The following CDH3 variants were observed in gnomAD, a reference collection of about 807,000 sequenced individuals.
CDH3 encodes cadherin-3.
Under a neutral mutation model 82.0 loss-of-function variants are expected in CDH3, and 54 were observed. The ratio of observed to expected loss-of-function variants is 0.66; its 90% CI spans 0.53 to 0.83. The LOEUF (loss-of-function observed/expected upper bound fraction) is 0.83, where lower values mean the gene tolerates loss of function less well. CDH3 is among the 40% of genes least tolerant of loss of function. CDH3 has a pLI of 0.00. For missense variants in CDH3, 1,054 were observed against 1,084.6 expected, an observed-to-expected ratio of 0.97 and a Z score of 0.40; for synonymous variants, 446 against 437.9, an observed-to-expected ratio of 1.02 and a Z score of -0.23.
intron 2 of CDH3, among the ~76,000 whole-genome samples, chr16:68,668,209 C>T (rs1224313079): frequency 6.6e-6 from 1 of 152,202 alleles, no homozygotes; most frequent in Non-Finnish European, 1.5e-5. Flanking sequence ...GCCTTAAATT[C>T]TGAACTATTG....
At chr16:68,716,901 T>C (rs973873900) in intron 1 of CDH3, among the ~76,000 whole-genome samples, 25 of 151,102 alleles carry the variant, frequency 1.7e-4, no homozygotes, top group Non-Finnish European at 2.1e-4. Flanking sequence ...TTTTCTTTTT[T>C]TTTTTTTTTT....
At chr16:68,717,064 G>C (rs1962103736) in intron 1 of CDH3, among the ~76,000 whole-genome samples, 1 of 152,012 alleles carries the variant, frequency 6.6e-6, no homozygotes, top group South Asian at 2.1e-4. Context: ...TTTGTCTGAA[G>C]AGACAAAGGT....
downstream of CDH3, among the ~76,000 whole-genome samples, chr16:68,701,456 G>C (rs146484781): frequency 2.0e-5 from 3 of 152,262 alleles, no homozygotes; most frequent in African/African-American, 4.8e-5. Flanking sequence ...TGCTGGCCAT[G>C]ATGAGGACCA....
chr16:68,665,848 C>T (rs1960719828), intron 2 of CDH3, among the ~76,000 whole-genome samples: 1 of 152,084 alleles, frequency 6.6e-6, no homozygotes. Context: ...GCCAAAACTC[C>T]CCTGGAACTG....
chr16:68,698,486 C>T lies in CDH3; in HGVS notation c.*86C>T, dbSNP rs552051260. 74 of 1,262,462 alleles carry T rather than the reference C, an allele frequency of 5.9e-5. No homozygotes were observed. In the Middle Eastern group the frequency reaches 7.9e-4, roughly 13 times the overall value. The allele number at this position is 1,262,462 out of a possible 1,614,324, so 78.2% of individuals were successfully genotyped here. A position where few individuals can be genotyped will look rare whatever the true frequency, so the allele number is the denominator to read the frequency against. Reference sequence around the variant, plus strand: ...CAGTTCCCCCTTCAGCTGAGGACTTCGGAGCTTGTCAGGAAGTGGCCGTAG... The same window carrying T: ...CAGTTCCCCCTTCAGCTGAGGACTTTGGAGCTTGTCAGGAAGTGGCCGTAG... On this transcript the variant is annotated 3_prime_UTR_variant, in exon 16 of 16. Coordinates refer to ENST00000264012, the MANE Select transcript of CDH3 (RefSeq NM_001793.6).
At chr16:68,666,135 G>A (rs1005237578) in intron 2 of CDH3, among the ~76,000 whole-genome samples, 1 of 151,742 alleles carries the variant, frequency 6.6e-6, no homozygotes, top group Non-Finnish European at 1.5e-5. Flanking sequence ...CACTCTCCAG[G>A]CTTGCCTCCC....
intron 13 of CDH3, among the ~76,000 whole-genome samples, chr16:68,692,490 AG>A (rs1205389588): frequency 6.6e-6 from 1 of 152,186 alleles, no homozygotes; most frequent in African/African-American, 2.4e-5. Context: ...TGGTTCTGAA[AG>A]GGTGGTTTCC....
In CDH3 at chr16:68,695,236, C is replaced by T. The variant is rs952810071; in HGVS notation, c.2003-19C>T. ...TGTGTGGTTACAGAGGGAGCACTCA[C>T]ACTCCCCAACCCTTGCAGTCCTCCT... is the stretch of plus-strand genomic sequence containing the variant. On this transcript the variant is annotated intron_variant, in intron 13 of 15. Transcript: ENST00000264012. 6.2e-7 allele frequency: 1 copy of T among 1,614,050 alleles called. No individual in the cohort carries two copies. The highest frequency in any genetic ancestry group is 8.5e-7 in the Non-Finnish European group (1 of 1,179,956).
chr16:68,715,605 C>T (rs1962085976), intron 1 of CDH3, among the ~76,000 whole-genome samples: 1 of 152,130 alleles, frequency 6.6e-6, no homozygotes, highest in Admixed American at 6.6e-5. Flanking sequence ...ATAGCAAGGC[C>T]AAGGTCTGTA....
chr16:68,671,168 T>C (rs1378309328), intron 2 of CDH3, among the ~76,000 whole-genome samples: 5 of 151,904 alleles, frequency 3.3e-5, no homozygotes, highest in African/African-American at 1.2e-4. Context: ...TTTTTTTTTT[T>C]TTTTAAGAGA....
chr16:68,684,623 T>A lies in CDH3; in HGVS notation c.1223T>A (p.Val408Asp). The A allele has an allele frequency of 1.2e-6, 2 of 1,614,174 alleles. No homozygotes were observed. Among genetic ancestry groups the A allele is most frequent in the Non-Finnish European group, 8.5e-7 (1 of 1,180,018 alleles). ...GCCAAAAACCAGCACACCCTGTACG[T>A]TGAAGTGACCAACGAGGCCCCTTTT... ...FEAKNQHTLY[V>D]EVTNEAPFVL... The change falls in exon 10 of 16, where the codon GTT (valine) becomes GAT (aspartate). Residue 408 changes from valine (V) to aspartate (D), a missense_variant. Val to Asp is a radical substitution (Grantham distance 152). Transcript: ENST00000264012.
chr16:68,703,494 C>T (rs189829090), downstream of CDH3, among the ~76,000 whole-genome samples: 838 of 152,332 alleles, frequency 5.5e-3, 6 homozygotes, highest in Admixed American at 9.4e-3. Flanking sequence ...TGCTGGAGAG[C>T]TCCAGGGAAC....
At chr16:68,659,861 A>G (rs1960513082) in intron 2 of CDH3, among the ~76,000 whole-genome samples, 1 of 151,838 alleles carries the variant, frequency 6.6e-6, no homozygotes, top group Non-Finnish European at 1.5e-5. Context: ...TTTAAAAACA[A>G]GAATTGGACT....
At position 68,687,494 on chromosome 16, in the gene CDH3, A is replaced by G. The variant is rs368900553; in HGVS notation, c.1571-18A>G. The G allele has an allele frequency of 6.2e-6, 10 of 1,606,034 alleles. No homozygotes were observed. In the African/African-American group the frequency reaches 9.4e-5, roughly 15 times the overall value. On this transcript the variant is annotated intron_variant, in intron 11 of 15. Transcript: ENST00000264012. The stretch of plus-strand genomic sequence containing the variant: ...GGGTGGGTCACAGGGAGCTCATCAT[A>G]TGTGTCATTACAAACAGGAAGCCCT...
intron 12 of CDH3, among the ~76,000 whole-genome samples, chr16:68,689,493 G>A (rs376648409): frequency 1.3e-5 from 2 of 151,162 alleles, no homozygotes; most frequent in African/African-American, 2.4e-5. Context: ...CCAAGATCGC[G>A]CCACTGCACT....
At chr16:68,659,430 C>T (rs1169913465) in intron 2 of CDH3, among the ~76,000 whole-genome samples, 2 of 151,938 alleles carry the variant, frequency 1.3e-5, no homozygotes, top group African/African-American at 4.8e-5. Flanking sequence ...ATTAGCCAGG[C>T]ATGGTGGTGC....
chr16:68,675,828 GA>G (rs1961018179), intron 2 of CDH3, among the ~76,000 whole-genome samples: 1 of 151,938 alleles, frequency 6.6e-6, no homozygotes, highest in African/African-American at 2.4e-5. Flanking sequence ...AAAAGTGGGG[GA>G]TAATACCTAC....
At chr16:68,696,839 G>A (rs967756889) in intron 15 of CDH3, 1 of 152,258 alleles carries the variant, frequency 6.6e-6, no homozygotes, top group Non-Finnish European at 1.5e-5. Context: ...TGTGTTCAGC[G>A]CTCCTTATCA....
intron 2 of CDH3, among the ~76,000 whole-genome samples, chr16:68,660,754 C>T (rs184278854): frequency 4.2e-4 from 64 of 152,150 alleles, no homozygotes; most frequent in African/African-American, 1.4e-3. Flanking sequence ...GTCAGGAGAT[C>T]GAGACTATCC....
Sources: allele counts gnomAD v4.1 joint callset (sites outside exome capture counted in the v4.1 genomes callset), GRCh38; gene constraint gnomAD v4.1.1; transcripts MANE v1.5; gene names NCBI Gene and HGNC (gene_info 2026-07-23, HGNC 2026-07-21).